The following OPCML variants were observed in gnomAD, a reference collection of about 807,000 sequenced individuals.
OPCML encodes the protein opioid-binding protein/cell adhesion molecule.
Under a neutral mutation model 37.8 loss-of-function variants are expected in OPCML, and 13 were observed. That is an observed-to-expected ratio of 0.34 (90% CI 0.22 to 0.55). OPCML has a LOEUF of 0.55. OPCML is among the 20% of genes least tolerant of loss of function. OPCML has a pLI of 0.91. For synonymous variants in OPCML, 176 were observed against 168.8 expected (o/e 1.04, Z -0.33); for missense variants, 341 against 435.6 (o/e 0.78, Z 1.93).
intron 4 of OPCML, among the ~76,000 whole-genome samples, chr11:132,508,779 G>A (rs1295140430): frequency 3.3e-5 from 5 of 152,140 alleles, no homozygotes; most frequent in African/African-American, 1.2e-4. Context: ...CCAGACATGT[G>A]GAACTTAAGT....
intron 1 of OPCML, among the ~76,000 whole-genome samples, chr11:133,465,577 A>T (rs1329170700): frequency 6.6e-6 from 1 of 152,202 alleles, no homozygotes; most frequent in Non-Finnish European, 1.5e-5. Context: ...TGGAGTTCAC[A>T]TTGTCCTAAG....
chr11:133,083,701 G>C (rs1360063714), intron 1 of OPCML, among the ~76,000 whole-genome samples: 1 of 152,194 alleles, frequency 6.6e-6, no homozygotes, highest in Non-Finnish European at 1.5e-5. Context: ...ACACGGCCTC[G>C]CCACTGGGGA....
At chr11:132,951,560 G>A (rs184430809) in intron 1 of OPCML, among the ~76,000 whole-genome samples, 207 of 152,294 alleles carry the variant, frequency 1.4e-3, no homozygotes, top group African/African-American at 4.8e-3. Context: ...TGATTCAGCC[G>A]ACATCAGTGT....
At chr11:132,986,862 A>AC (rs1485296261) in intron 1 of OPCML, among the ~76,000 whole-genome samples, 1 of 152,196 alleles carries the variant, frequency 6.6e-6, no homozygotes, top group East Asian at 1.9e-4. Context: ...AAGCATATCT[A>AC]CAGAAGATGT....
At chr11:132,775,508 C>G (rs962441756) in intron 2 of OPCML, among the ~76,000 whole-genome samples, 1 of 152,178 alleles carries the variant, frequency 6.6e-6, no homozygotes, top group Non-Finnish European at 1.5e-5. Flanking sequence ...CAGTGACAAA[C>G]TGCATGCATG....
rs767826252 is a variant in OPCML, at chr11:132,416,069, A to G, written c.*4124T>C. On this transcript the variant is annotated 3_prime_UTR_variant, in exon 8 of 8. Coordinates refer to ENST00000524381, the MANE Select transcript of OPCML (RefSeq NM_001012393.5). Reference sequence around the variant, plus strand: ...GTATAAGAGTTTCCAAGATAAGGTCACGTGCAAAATGAAAACAAAAGATTC... The same window carrying G: ...GTATAAGAGTTTCCAAGATAAGGTCGCGTGCAAAATGAAAACAAAAGATTC... 1 of 152,594 alleles carries G rather than the reference A, an allele frequency of 6.6e-6. No individual in the cohort carries two copies. Among genetic ancestry groups the G allele is most frequent in the Non-Finnish European group, 1.5e-5 (1 of 68,052 alleles). The allele number at this position is 152,594 out of a possible 1,614,324, so 9.5% of individuals were successfully genotyped here. A position where few individuals can be genotyped will look rare whatever the true frequency, so the allele number is the denominator to read the frequency against.
intron 1 of OPCML, among the ~76,000 whole-genome samples, chr11:133,122,798 T>C (rs1949441824): frequency 6.6e-6 from 1 of 152,150 alleles, no homozygotes; most frequent in Non-Finnish European, 1.5e-5. Context: ...CTGTCCCAGG[T>C]AAACTGGAAT....
chr11:133,408,769 C>T (rs1173296173), intron 1 of OPCML, among the ~76,000 whole-genome samples: 3 of 152,320 alleles, frequency 2.0e-5, no homozygotes, highest in East Asian at 1.9e-4. Flanking sequence ...AATGTGCAAA[C>T]ACCACACAGA....
At chr11:132,860,563 T>A (rs936181101) in intron 2 of OPCML, 1 of 152,084 alleles carries the variant, frequency 6.6e-6, no homozygotes, top group African/African-American at 2.4e-5. Flanking sequence ...GCCACGGCAA[T>A]CCATTACGTC....
chr11:132,936,943 G>GT (rs1591825012), intron 2 of OPCML, among the ~76,000 whole-genome samples: 2 of 151,990 alleles, frequency 1.3e-5, no homozygotes, highest in Admixed American at 6.6e-5. Context: ...TCTTGTATAT[G>GT]TTAAAAAAAA....
chr11:133,259,711 G>T (rs1398270914), intron 1 of OPCML, among the ~76,000 whole-genome samples: 1 of 152,172 alleles, frequency 6.6e-6, no homozygotes, highest in Non-Finnish European at 1.5e-5. Context: ...AAAATAGAAT[G>T]TTAATTATGA....
At position 132,473,334 on chromosome 11, in the gene OPCML, T is replaced by C. The variant is rs373022912; in HGVS notation, c.506-35975A>G. On this transcript the variant is annotated intron_variant, in intron 4 of 7. Transcript: ENST00000524381. ...CTGTGGACACAGAAACTACCTCTTC[T>C]GGATGCTACTCCCTTATGGGGAAAG... 6.6e-5 allele frequency among the ~76,000 whole-genome samples: 10 copies of C among 152,354 alleles called. 1 individual carries two copies. The highest frequency in any genetic ancestry group is 2.4e-4 in the African/African-American group (10 of 41,578).
intron 1 of OPCML, among the ~76,000 whole-genome samples, chr11:133,292,432 A>G (rs181018436): frequency 3.9e-5 from 6 of 152,238 alleles, no homozygotes; most frequent in Admixed American, 3.3e-4. Context: ...CACAGTAGCT[A>G]TGCGGCGATC....
intron 4 of OPCML, among the ~76,000 whole-genome samples, chr11:132,471,378 G>C (rs1203116924): frequency 1.3e-5 from 2 of 152,180 alleles, no homozygotes; most frequent in African/African-American, 4.8e-5. Flanking sequence ...CCCAGGCTTA[G>C]TAGTTTAAAA....
Position 132,895,487 on chromosome 11 carries a change from A to G in OPCML, c.146+47439T>C, listed in dbSNP as rs565778465. 1.9e-4 allele frequency among the ~76,000 whole-genome samples: 29 copies of G among 152,348 alleles called. No individual in the cohort carries two copies. The South Asian group carries it at 6.0e-3, about 32-fold the overall frequency. ...AAAATCAAACAAGAGCGCTTATCAT[A>G]TGACTGACTGAATCACAGCAAAAGC... is the stretch of plus-strand genomic sequence containing the variant. On this transcript the variant is annotated intron_variant, in intron 2 of 7. Transcript: ENST00000524381.
At chr11:132,430,321 G>A (rs921183149) in intron 7 of OPCML, among the ~76,000 whole-genome samples, 3 of 152,170 alleles carry the variant, frequency 2.0e-5, no homozygotes, top group African/African-American at 2.4e-5. Flanking sequence ...ATAAGGCAGC[G>A]GCGATGAGGG....
At chr11:132,710,607 C>G (rs1377156002) in intron 2 of OPCML, among the ~76,000 whole-genome samples, 1 of 151,670 alleles carries the variant, frequency 6.6e-6, no homozygotes, top group Non-Finnish European at 1.5e-5. Flanking sequence ...AATCCCAGCA[C>G]TTTGGGAGGC....
intron 1 of OPCML, among the ~76,000 whole-genome samples, chr11:133,156,245 C>T (rs1950060782): frequency 6.6e-6 from 1 of 152,192 alleles, no homozygotes; most frequent in Admixed American, 6.5e-5. Context: ...TGACTGCCCC[C>T]TGCTTACTCA....
At chr11:133,110,654 T>G (rs1035024570) in intron 1 of OPCML, among the ~76,000 whole-genome samples, 12 of 152,170 alleles carry the variant, frequency 7.9e-5, no homozygotes, top group Non-Finnish European at 1.3e-4. Context: ...GGGTTCAGTG[T>G]GTTTCATTCG....
Sources: allele counts gnomAD v4.1 joint callset (sites outside exome capture counted in the v4.1 genomes callset), GRCh38; gene constraint gnomAD v4.1.1; transcripts MANE v1.5; gene names NCBI Gene and HGNC (gene_info 2026-07-23, HGNC 2026-07-21).